Variants in PPFIA2 observed in about 807,000 individuals in gnomAD.
PPFIA2 encodes PPFI scaffold protein A2.
PPFIA2 carries 46 observed loss-of-function variants against 175.5 expected under a neutral mutation model. That is an observed-to-expected ratio of 0.26 (90% confidence interval 0.21 to 0.34). The LOEUF (loss-of-function observed/expected upper bound fraction) is 0.34, where lower values mean the gene tolerates loss of function less well. PPFIA2 is among the 10% of genes least tolerant of loss of function. The pLI, the probability that PPFIA2 is intolerant of heterozygous loss-of-function variation, is 1.00. For synonymous variants in PPFIA2, 568 were observed against 511.4 expected (o/e 1.11, Z -1.49); for missense variants, 1,179 against 1,506.1 (o/e 0.78, Z 3.60).
At chr12:81,344,722 A>G in intron 18 of PPFIA2, 29 bp from the exon 19 acceptor site, 2 of 1,507,246 alleles carry the variant, frequency 1.3e-6, no homozygotes, top group East Asian at 4.8e-5. Flanking sequence ...AAAACATAAA[A>G]CACAATTAAT....
chr12:81,339,408 A>C (rs1420318771), intron 20 of PPFIA2, 74 bp from the exon 21 acceptor site: 2 of 1,174,868 alleles, frequency 1.7e-6, no homozygotes, highest in Admixed American at 3.6e-5. Flanking sequence ...TATAAAATGC[A>C]CCAAAGGAGG....
intron 4 of PPFIA2, among the ~76,000 whole-genome samples, chr12:81,614,152 A>G (rs2061210406): frequency 6.6e-6 from 1 of 152,124 alleles, no homozygotes; most frequent in African/African-American, 2.4e-5. Flanking sequence ...GCATTCCTAC[A>G]TACATCCACT....
intron 4 of PPFIA2, among the ~76,000 whole-genome samples, chr12:81,576,430 G>A (rs1035474780): frequency 6.6e-6 from 1 of 151,700 alleles, no homozygotes; most frequent in Non-Finnish European, 1.5e-5. Context: ...ATGCCATTTT[G>A]TGATTTTTAA....
rs1372935200 is a variant in PPFIA2, at chr12:81,433,045, A to T, written c.645+6927T>A. Among the ~76,000 whole-genome samples, 6 of 152,014 alleles carry T rather than the reference A, an allele frequency of 3.9e-5. No individual in the cohort carries two copies. In the South Asian group the frequency reaches 1.0e-3, roughly 26 times the overall value. ...AAAATTAAAAAAAAAACAGAAAAAA[A>T]CCCATAATATTACCTTTAGTGCTTT... On this transcript the variant is annotated intron_variant, in intron 7 of 32. Transcript: ENST00000549396.
chr12:81,351,917 A>G (rs1460719829), intron 17 of PPFIA2, among the ~76,000 whole-genome samples: 2 of 151,968 alleles, frequency 1.3e-5, no homozygotes, highest in African/African-American at 4.8e-5. Flanking sequence ...ATAAAAAAAA[A>G]TCTGAATTTT....
At chr12:81,324,731 G>A (rs2054380721) in intron 22 of PPFIA2, among the ~76,000 whole-genome samples, 1 of 151,806 alleles carries the variant, frequency 6.6e-6, no homozygotes, top group Non-Finnish European at 1.5e-5. Flanking sequence ...ATTGATTATG[G>A]CTGAGCATTT....
At chr12:81,382,443 T>C (rs1422482833) in intron 9 of PPFIA2, among the ~76,000 whole-genome samples, 1 of 152,094 alleles carries the variant, frequency 6.6e-6, no homozygotes, top group African/African-American at 2.4e-5. Flanking sequence ...GAGCACAGAC[T>C]GAGGTGAGCT....
At chr12:81,639,359 A>G (rs1262245859) in intron 4 of PPFIA2, among the ~76,000 whole-genome samples, 1 of 152,160 alleles carries the variant, frequency 6.6e-6, no homozygotes, top group Non-Finnish European at 1.5e-5. Flanking sequence ...TGACAAAAGA[A>G]AATAGAAACT....
intron 27 of PPFIA2, among the ~76,000 whole-genome samples, chr12:81,278,867 G>A (rs2041319159): frequency 6.6e-6 from 1 of 152,074 alleles, no homozygotes. Context: ...ATACACATTG[G>A]CCAGATTACA....
At chr12:81,405,626 A>T (rs1406227893) in intron 8 of PPFIA2, among the ~76,000 whole-genome samples, 161 bp downstream of exon 8, 2 of 152,136 alleles carry the variant, frequency 1.3e-5, no homozygotes, top group Non-Finnish European at 2.9e-5. Context: ...GAGAATCAAA[A>T]TAAGAACAAA....
At chr12:81,422,560 G>C (rs1419846298) in intron 7 of PPFIA2, among the ~76,000 whole-genome samples, 1 of 152,104 alleles carries the variant, frequency 6.6e-6, no homozygotes, top group Non-Finnish European at 1.5e-5. Context: ...AGGGAGTCAA[G>C]GGCTACTCTT....
At chr12:81,455,022 C>T (rs1290268569) in intron 5 of PPFIA2, among the ~76,000 whole-genome samples, 1 of 151,964 alleles carries the variant, frequency 6.6e-6, no homozygotes, top group Non-Finnish European at 1.5e-5. Context: ...CTATCACTTG[C>T]GCTTTAAATT....
intron 4 of PPFIA2, among the ~76,000 whole-genome samples, chr12:81,604,294 A>T (rs1025672862): frequency 6.6e-6 from 1 of 151,754 alleles, no homozygotes; most frequent in African/African-American, 2.4e-5. Flanking sequence ...ATTTCAGGAC[A>T]TAAGAGGTAA....
intron 5 of PPFIA2, among the ~76,000 whole-genome samples, chr12:81,450,623 T>G (rs777115136): frequency 4.3e-4 from 66 of 152,208 alleles, no homozygotes; most frequent in Non-Finnish European, 7.2e-4. Flanking sequence ...TCTTTTGCTG[T>G]GCAGAAGCTC....
intron 5 of PPFIA2, among the ~76,000 whole-genome samples, chr12:81,448,220 T>C (rs1330792298): frequency 6.6e-6 from 1 of 152,198 alleles, no homozygotes; most frequent in Admixed American, 6.5e-5. Flanking sequence ...CAAGTGGAAC[T>C]TTTTAACTGC....
intron 20 of PPFIA2, among the ~76,000 whole-genome samples, chr12:81,340,871 C>G (rs1417195886): frequency 6.6e-6 from 1 of 151,984 alleles, no homozygotes; most frequent in South Asian, 2.1e-4. Context: ...AATAATAAGA[C>G]CACAAAGATA....
intron 4 of PPFIA2, among the ~76,000 whole-genome samples, chr12:81,552,459 AT>A (rs2068083507): frequency 2.0e-5 from 3 of 151,984 alleles, no homozygotes; most frequent in Admixed American, 6.6e-5. Flanking sequence ...TGAAAGTATT[AT>A]TCTGGAACCA....
At chr12:81,436,783 T>C (rs1223319442) in intron 7 of PPFIA2, among the ~76,000 whole-genome samples, 1 of 152,232 alleles carries the variant, frequency 6.6e-6, no homozygotes, top group Non-Finnish European at 1.5e-5. Flanking sequence ...ATAAGTGATT[T>C]ATTATTAGAA....
In PPFIA2 at chr12:81,746,639, G is replaced by T. The variant is rs984322908; in HGVS notation, c.249+7334C>A. ...CATTTTAATTTTAAGAAATATATTT[G>T]AACATCTTGCAAAATAGCCAGCTTA... On this transcript the variant is annotated intron_variant, in intron 3 of 32. Transcript: ENST00000549396. 2.8e-5 allele frequency among the ~76,000 whole-genome samples: 4 copies of T among 144,332 alleles called. 1 individual carries two copies. The East Asian group carries it at 8.5e-4, about 31-fold the overall frequency. The allele number at this position is 144,332 out of a possible 152,430, so 94.7% of individuals were successfully genotyped here.
Sources: gnomAD v4.1 joint callset for allele counts (sites outside exome capture counted in the v4.1 genomes callset) on GRCh38, gnomAD v4.1.1 for gene constraint, MANE v1.5 for transcripts, NCBI Gene and HGNC (gene_info 2026-07-23, HGNC 2026-07-21) for gene names.